The following ABI1 variants were observed in gnomAD, a reference collection of about 807,000 sequenced individuals.
ABI1 encodes the protein Abelson interactor 1.
In ABI1, 14 loss-of-function variants were observed where a neutral mutation model predicts 54.6. The observed-to-expected ratio is 0.26, with a 90% CI of 0.17 to 0.40. The LOEUF is 0.40. ABI1 is among the 10% of genes least tolerant of loss of function. The pLI, the probability that ABI1 is intolerant of heterozygous loss-of-function variation, is 1.00. For missense variants in ABI1, 443 were observed against 598.3 expected, an observed-to-expected ratio of 0.74 and a Z score of 2.71; for synonymous variants, 194 against 209.3, an observed-to-expected ratio of 0.93 and a Z score of 0.63.
intron 2 of ABI1, among the ~76,000 whole-genome samples, chr10:26,784,081 G>T (rs1842452413): frequency 6.6e-6 from 1 of 152,148 alleles, no homozygotes; most frequent in African/African-American, 2.4e-5. Context: ...GAAAAAGGGG[G>T]GACATTAGTG....
At chr10:26,818,249 AAAT>A (rs1360075587) in intron 2 of ABI1, among the ~76,000 whole-genome samples, 1 of 151,772 alleles carries the variant, frequency 6.6e-6, no homozygotes. Flanking sequence ...TTCTGATCAG[AAAT>A]AATAACTATG....
At chr10:26,850,359 C>T (rs1476045237) in intron 1 of ABI1, among the ~76,000 whole-genome samples, 1 of 151,956 alleles carries the variant, frequency 6.6e-6, no homozygotes, top group Non-Finnish European at 1.5e-5. Context: ...CAGATAGAAC[C>T]CGCCTAAAAA....
chr10:26,763,791 T>C, intron 7 of ABI1: 1 of 1,190,620 alleles, frequency 8.4e-7, no homozygotes, highest in Non-Finnish European at 1.2e-6. Context: ...ACCTAATAAC[T>C]ATAAAAGCCA....
chr10:26,762,952 C>T (rs1432517358), intron 7 of ABI1, among the ~76,000 whole-genome samples: 2 of 152,180 alleles, frequency 1.3e-5, no homozygotes, highest in African/African-American at 4.8e-5. Context: ...CACCAACACA[C>T]ATCCTCACCA....
chr10:26,789,942 C>T (rs1843201304), intron 2 of ABI1, among the ~76,000 whole-genome samples: 1 of 152,184 alleles, frequency 6.6e-6, no homozygotes, highest in Non-Finnish European at 1.5e-5. Context: ...CATCCATGTC[C>T]CTGCAAAAGA....
At chr10:26,801,602 C>T (rs2046567907) in intron 2 of ABI1, among the ~76,000 whole-genome samples, 1 of 151,852 alleles carries the variant, frequency 6.6e-6, no homozygotes, top group African/African-American at 2.4e-5. Flanking sequence ...GCAATGAGAG[C>T]ATCATACCAG....
intron 1 of ABI1, among the ~76,000 whole-genome samples, chr10:26,846,326 ACTTT>A (rs1403307326): frequency 6.8e-5 from 10 of 147,694 alleles, no homozygotes; most frequent in Non-Finnish European, 1.2e-4. Flanking sequence ...ATTGCTGAAA[ACTTT>A]CTTTCTCTTT....
At chr10:26,754,289 AC>A (rs1189979420) in intron 9 of ABI1, among the ~76,000 whole-genome samples, 1 of 152,184 alleles carries the variant, frequency 6.6e-6, no homozygotes, top group African/African-American at 2.4e-5. Context: ...AGCTGGAACT[AC>A]AGGCACATGC....
In ABI1 at chr10:26,759,102, C is replaced by G; in HGVS notation, c.957G>C (p.Gln319His). The change falls in exon 8 of 11, where the codon CAG becomes CAC. Residue 319 changes from glutamine to histidine, a missense_variant. Physicochemically the swap from Gln to His is conservative, Grantham distance 24. Coordinates refer to ENST00000376140, the MANE Select transcript of ABI1 (RefSeq NM_001012750.3). ...AAAGTGGACCTCCATTAACATGAGG[C>G]TGAGCAGAAAATTGAGCAGTCACAG... is the stretch of plus-strand genomic sequence containing the variant. The part of the protein sequence containing the change: ...TPSVTAQFSA[Q>H]PHVNGGPLYS... 6.2e-7 allele frequency: 1 copy of G among 1,614,006 alleles called. No homozygotes were observed. Among genetic ancestry groups the G allele is most frequent in the Non-Finnish European group, 8.5e-7 (1 of 1,179,970 alleles).
chr10:26,855,644 G>A (rs1238939299), intron 1 of ABI1, among the ~76,000 whole-genome samples: 2 of 152,044 alleles, frequency 1.3e-5, no homozygotes, highest in African/African-American at 2.4e-5. Flanking sequence ...TACCCTCTGC[G>A]CACATTGTTT....
Position 26,860,817 on chromosome 10 carries a change from T to C in ABI1, c.47A>G (p.Lys16Arg), listed in dbSNP as rs1405602003. 6.2e-7 allele frequency: 1 copy of C among 1,614,124 alleles called. No individual in the cohort carries two copies. Among genetic ancestry groups the C allele is most frequent in the African/African-American group, 1.3e-5 (1 of 75,024 alleles). ...CTGGTAACTCTCGATCAGCGCCCTC[T>C]TGCCAGACGGGATCTCCTCCTCTAG... ...MLLEEEIPSG[K>R]RALIESYQNL... Residue 16 changes from lysine to arginine, a missense_variant, in exon 1 of 11, where the codon AAG becomes AGG. This residue lies in a region of ABI1 where 394 missense variants were observed against 484.8 expected (regional missense o/e 0.81). Coordinates refer to ENST00000376140, the MANE Select transcript of ABI1 (RefSeq NM_001012750.3). The surrounding 1 kb of genome is among the most constrained non-coding windows in gnomAD (Gnocchi z 4.1).
intron 2 of ABI1, among the ~76,000 whole-genome samples, chr10:26,807,518 A>G (rs1207893888): frequency 2.0e-5 from 3 of 152,178 alleles, no homozygotes; most frequent in Admixed American, 6.5e-5. Flanking sequence ...AGCTTGACTT[A>G]AATCGCAAAC....
intron 2 of ABI1, among the ~76,000 whole-genome samples, chr10:26,796,924 T>C (rs963364137): frequency 6.6e-6 from 1 of 152,098 alleles, no homozygotes; most frequent in East Asian, 1.9e-4. Flanking sequence ...AGGTTCACAA[T>C]AGGGTTTGCG....
In ABI1 at chr10:26,823,178, T is replaced by C. The variant is rs574907757; in HGVS notation, c.245A>G (p.Gln82Arg). The C allele has an allele frequency of 5.0e-6, 8 of 1,601,458 alleles. No homozygotes were observed. Among genetic ancestry groups the C allele is most frequent in the Non-Finnish European group, 6.8e-6 (8 of 1,176,312 alleles). ...GATGGAAGACTCCATTCTCCGAAGCTGAGAGGCTTGGATATCCAGCAACTG... is the reference window on the plus strand; with the variant it reads ...GATGGAAGACTCCATTCTCCGAAGCCGAGAGGCTTGGATATCCAGCAACTG... ...VLQLLDIQASQLRRMESSINH... is the reference protein window; with the variant it reads ...VLQLLDIQASRLRRMESSINH... Residue 82 changes from glutamine to arginine, a missense_variant, in exon 2 of 11, where the codon CAG becomes CGG. By Grantham distance (43) the Gln-to-Arg change is conservative. Coordinates refer to ENST00000376140, the MANE Select transcript of ABI1 (RefSeq NM_001012750.3).
At chr10:26,764,472 T>A (rs888623864) in intron 7 of ABI1, among the ~76,000 whole-genome samples, 1 of 152,202 alleles carries the variant, frequency 6.6e-6, no homozygotes, top group African/African-American at 2.4e-5. Context: ...GATACTGGCC[T>A]GTAAAGCAAC....
At chr10:26,842,484 C>CAA (rs150682956) in intron 1 of ABI1, among the ~76,000 whole-genome samples, 2 of 151,534 alleles carry the variant, frequency 1.3e-5, no homozygotes, top group South Asian at 2.1e-4. Flanking sequence ...GTGTGGAATC[C>CAA]AAAAAGAAAA....
rs911299517 is a variant in ABI1 at position 26,860,494 on chromosome 10, G to A, written c.117+253C>T. Among the ~76,000 whole-genome samples the A allele has an allele frequency of 6.6e-6, 1 of 152,164 alleles. No homozygotes were observed. Among genetic ancestry groups the A allele is most frequent in the Non-Finnish European group, 1.5e-5 (1 of 68,012 alleles). ...CGGGCTGCGGCAGCGGCGGGCTCCC[G>A]GCTCCCTCGCCCATTTTCTCTCTCC... On this transcript the variant is annotated intron_variant, in intron 1 of 10. Coordinates refer to ENST00000376140, the MANE Select transcript of ABI1 (RefSeq NM_001012750.3). This position sits in a 1 kb window ranked among gnomAD's most constrained non-coding sequence, Gnocchi z 4.1.
At chr10:26,779,813 G>C (rs1273429600) in intron 2 of ABI1, among the ~76,000 whole-genome samples, 1 of 152,060 alleles carries the variant, frequency 6.6e-6, no homozygotes, top group African/African-American at 2.4e-5. Context: ...AGAAACCTTT[G>C]AAACTCTCAG....
At chr10:26,788,055 G>A (rs1471949908) in intron 2 of ABI1, among the ~76,000 whole-genome samples, 1 of 152,188 alleles carries the variant, frequency 6.6e-6, no homozygotes, top group African/African-American at 2.4e-5. Flanking sequence ...CTCACGTGTT[G>A]TGGGAGGGAC....
Sources: allele counts gnomAD v4.1 joint callset (sites outside exome capture counted in the v4.1 genomes callset), GRCh38; gene constraint gnomAD v4.1.1; regional missense constraint gnomAD v4.1.1; non-coding constraint Gnocchi (gnomAD v3.1); transcripts MANE v1.5; gene names NCBI Gene and HGNC (gene_info 2026-07-23, HGNC 2026-07-21).